FGF12: variants seen among roughly 807,000 people sequenced by gnomAD.
FGF12 encodes fibroblast growth factor 12B.
Under a neutral mutation model 23.6 loss-of-function variants are expected in FGF12, and 14 were observed. The observed-to-expected ratio is 0.59, with a 90% CI of 0.39 to 0.93. The LOEUF is 0.93. Among genes scored for constraint, FGF12 ranks in the 40% least tolerant of loss-of-function variants. The pLI is 0.00. For missense variants in FGF12, 175 were observed against 217.8 expected, an observed-to-expected ratio of 0.80 and a Z score of 1.24; for synonymous variants, 62 against 77.3, an observed-to-expected ratio of 0.80 and a Z score of 1.04.
chr3:192,211,467 C>T (rs948041723), intron 4 of FGF12, among the ~76,000 whole-genome samples: 3 of 151,518 alleles, frequency 2.0e-5, no homozygotes, highest in Admixed American at 6.6e-5. Flanking sequence ...CTCTTGTGGC[C>T]GAGGCTGGAG....
At chr3:192,549,497 T>TA (rs1290583233) in intron 2 of FGF12, among the ~76,000 whole-genome samples, 1 of 152,164 alleles carries the variant, frequency 6.6e-6, no homozygotes, top group African/African-American at 2.4e-5. Context: ...AAAAGGAGGA[T>TA]AAAATCACAT....
At chr3:192,324,658 G>C (rs1271784468) in intron 4 of FGF12, among the ~76,000 whole-genome samples, 1 of 152,092 alleles carries the variant, frequency 6.6e-6, no homozygotes, top group Non-Finnish European at 1.5e-5. Context: ...TTCAAACACA[G>C]TTTTATTTCT....
intron 4 of FGF12, among the ~76,000 whole-genome samples, chr3:192,179,558 T>G (rs1159976154): frequency 6.6e-6 from 1 of 150,910 alleles, no homozygotes; most frequent in Non-Finnish European, 1.5e-5. Flanking sequence ...GATTTTTTTT[T>G]TTTTTTTGAG....
intron 4 of FGF12, among the ~76,000 whole-genome samples, chr3:192,302,441 T>G (rs1715399056): frequency 6.6e-6 from 1 of 152,204 alleles, no homozygotes; most frequent in Non-Finnish European, 1.5e-5. Flanking sequence ...TTTGAGAAAC[T>G]GGAACCTGAA....
intron 4 of FGF12, among the ~76,000 whole-genome samples, chr3:192,233,508 C>T (rs191484116): frequency 6.6e-6 from 1 of 152,236 alleles, no homozygotes; most frequent in Admixed American, 6.5e-5. Flanking sequence ...TGTGTTTATG[C>T]TGTTGATGGC....
At chr3:192,714,673 T>C (rs1315255528) in intron 2 of FGF12, among the ~76,000 whole-genome samples, 3 of 151,800 alleles carry the variant, frequency 2.0e-5, no homozygotes, top group East Asian at 3.9e-4. Context: ...CGCCCGCCAC[T>C]ACGTCCGGCT....
At chr3:192,669,746 T>A (rs541965589) in intron 2 of FGF12, among the ~76,000 whole-genome samples, 1 of 152,266 alleles carries the variant, frequency 6.6e-6, no homozygotes, top group East Asian at 1.9e-4. Context: ...TCATTATCAT[T>A]TTCTTATGAT....
intron 2 of FGF12, among the ~76,000 whole-genome samples, chr3:192,549,888 T>A (rs1725588866): frequency 6.6e-6 from 1 of 152,134 alleles, no homozygotes; most frequent in South Asian, 2.1e-4. Context: ...ATTCAGGCCT[T>A]CAGACTTGGA....
intron 2 of FGF12, among the ~76,000 whole-genome samples, chr3:192,695,562 T>C (rs1005294637): frequency 6.6e-6 from 1 of 152,190 alleles, no homozygotes; most frequent in Non-Finnish European, 1.5e-5. Flanking sequence ...TTATGTCAGT[T>C]TTTTCAGTTA....
intron 5 of FGF12, among the ~76,000 whole-genome samples, chr3:192,156,556 TAAAC>T (rs1714433147): frequency 6.6e-6 from 1 of 152,276 alleles, no homozygotes; most frequent in East Asian, 1.9e-4. Flanking sequence ...GCAAGATAAA[TAAAC>T]AATGTTATTT....
At chr3:192,166,183 A>C (rs1329286536) in intron 5 of FGF12, among the ~76,000 whole-genome samples, 1 of 152,196 alleles carries the variant, frequency 6.6e-6, no homozygotes, top group African/African-American at 2.4e-5. Flanking sequence ...AAAATCATTT[A>C]AGGATATAAT....
intron 5 of FGF12, among the ~76,000 whole-genome samples, chr3:192,158,521 T>G (rs1435942211): frequency 6.7e-6 from 1 of 149,408 alleles, no homozygotes; most frequent in African/African-American, 2.5e-5. Context: ...CTTTCTTCTT[T>G]CCTTCCCTCC....
chr3:192,364,869 A>G (rs1189973907), intron 2 of FGF12, among the ~76,000 whole-genome samples: 1 of 152,298 alleles, frequency 6.6e-6, no homozygotes, highest in East Asian at 1.9e-4. Flanking sequence ...ATTATGGTGG[A>G]GAAACCTAAC....
intron 2 of FGF12, among the ~76,000 whole-genome samples, chr3:192,492,956 A>ATTTTTTTTTTTTTT (rs766838831): frequency 8.2e-6 from 1 of 121,604 alleles, no homozygotes. Context: ...AATTTTTGTA[A>ATTTTTTTTTTTTTT]TTTTTTTTTT....
At position 192,321,274 on chromosome 3, in the gene FGF12, C is replaced by T. The variant is rs138937697; in HGVS notation, c.228+14087G>A. 9.9e-5 allele frequency among the ~76,000 whole-genome samples: 15 copies of T among 152,112 alleles called. No individual in the cohort carries two copies. In the East Asian group the frequency reaches 2.5e-3, roughly 25 times the overall value. ...ACCCTGAAAGAGTCCAAAACCCGAA[C>T]AGACCAGTAACAAGTAATGAGATTG... is the stretch of plus-strand genomic sequence containing the variant. On this transcript the variant is annotated intron_variant, in intron 4 of 5. Transcript: ENST00000445105.
chr3:192,425,474 G>T (rs1442142555), intron 2 of FGF12, among the ~76,000 whole-genome samples: 1 of 152,154 alleles, frequency 6.6e-6, no homozygotes, highest in Admixed American at 6.6e-5. Flanking sequence ...AAACATCAAG[G>T]TTATGTCAGG....
chr3:192,277,890 G>C (rs963903454), intron 4 of FGF12, among the ~76,000 whole-genome samples: 3 of 152,178 alleles, frequency 2.0e-5, no homozygotes, highest in Non-Finnish European at 4.4e-5. Context: ...AGCCTCCCAA[G>C]TAGCTGGGAA....
intron 2 of FGF12, among the ~76,000 whole-genome samples, chr3:192,681,412 C>T (rs1717521928): frequency 6.6e-6 from 1 of 152,144 alleles, no homozygotes; most frequent in African/African-American, 2.4e-5. Flanking sequence ...AAGAGCTCAG[C>T]TGGAGTCAGT....
chr3:192,559,499 T>C (rs1711924222), intron 2 of FGF12, among the ~76,000 whole-genome samples: 1 of 151,990 alleles, frequency 6.6e-6, no homozygotes, highest in Non-Finnish European at 1.5e-5. Flanking sequence ...GTATATATGT[T>C]ATTATACATT....
Sources: allele counts gnomAD v4.1 joint callset (sites outside exome capture counted in the v4.1 genomes callset), GRCh38; gene constraint gnomAD v4.1.1; transcripts MANE v1.5; gene names NCBI Gene and HGNC (gene_info 2026-07-23, HGNC 2026-07-21).